Variants in IQCH observed in about 807,000 individuals in gnomAD.
IQCH encodes IQ motif containing H.
Under a neutral mutation model 117.0 loss-of-function variants are expected in IQCH, and 98 were observed. The ratio of observed to expected loss-of-function variants is 0.84; its 90% confidence interval spans 0.71 to 0.99. IQCH has a LOEUF of 0.99. Ranked by LOEUF, IQCH falls within the 50% of genes least tolerant of loss-of-function variation. The pLI is 0.00. For missense variants in IQCH, 1,102 were observed against 1,243.8 expected, an observed-to-expected ratio of 0.89 and a Z score of 1.72; for synonymous variants, 412 against 448.2, an observed-to-expected ratio of 0.92 and a Z score of 1.02.
intron 4 of IQCH, among the ~76,000 whole-genome samples, chr15:67,309,269 T>C (rs754600797): frequency 6.6e-6 from 1 of 152,134 alleles, no homozygotes; most frequent in Non-Finnish European, 1.5e-5. Context: ...TTTTATACTG[T>C]CATTTAAAAC....
chr15:67,371,606 TA>T, intron 8 of IQCH: 1 of 881,506 alleles, frequency 1.1e-6, no homozygotes. Flanking sequence ...AGAAGAACTA[TA>T]AAATGCTAAA....
chr15:67,358,171 T>TC (rs1969979433), intron 7 of IQCH, among the ~76,000 whole-genome samples: 1 of 87,932 alleles, frequency 1.1e-5, no homozygotes, highest in Non-Finnish European at 2.5e-5. Context: ...TTTTTTTTTT[T>TC]TTTTCTTTTT....
rs1021376351 is a variant in IQCH at position 67,422,048 on chromosome 15, G to A, written c.2505+471G>A. ...CGGGAGGCAGAGGTTGCAATGAGCC[G>A]AGATCATGCTACTACACTCCAGCCT... On this transcript the variant is annotated intron_variant, in intron 16 of 20. Coordinates refer to ENST00000335894, the MANE Select transcript of IQCH (RefSeq NM_001031715.3). The surrounding 1 kb of genome is among the most constrained non-coding windows in gnomAD (Gnocchi z 4.7). 2.6e-5 allele frequency among the ~76,000 whole-genome samples: 4 copies of A among 151,218 alleles called. No individual in the cohort carries two copies. Among genetic ancestry groups the A allele is most frequent in the Non-Finnish European group, 5.9e-5 (4 of 67,900 alleles).
In IQCH at chr15:67,318,387, C is replaced by G. The variant is rs1018964596; in HGVS notation, c.388-18588C>G. On this transcript the variant is annotated intron_variant, in intron 4 of 20. Coordinates refer to ENST00000335894, the MANE Select transcript of IQCH (RefSeq NM_001031715.3). ...ACTCCAAAACTTTAATGAACAACAT[C>G]AGAGAACACTTGAATAAATGGAAAG... Among the ~76,000 whole-genome samples the G allele has an allele frequency of 6.1e-4, 93 of 152,270 alleles. 1 individual carries two copies. The highest frequency in any genetic ancestry group is 2.2e-3 in the African/African-American group (91 of 41,556).
chr15:67,472,349 G>A lies in IQCH; in HGVS notation c.2677-3347G>A, dbSNP rs146776385. ...GGGTGCACTGAGCAAGTTTGGGGAG[G>A]TCTACCCACCACACCAGGGTCTAGA... is the stretch of plus-strand genomic sequence containing the variant. On this transcript the variant is annotated intron_variant, in intron 17 of 20. Coordinates refer to ENST00000335894, the MANE Select transcript of IQCH (RefSeq NM_001031715.3). The surrounding 1 kb of genome is among the most constrained non-coding windows in gnomAD (Gnocchi z 4.3). Among the ~76,000 whole-genome samples the A allele has an allele frequency of 7.2e-3, 1,103 of 152,208 alleles. 10 individuals are homozygous for A. The highest frequency in any genetic ancestry group is 0.012 in the Non-Finnish European group (824 of 68,000).
chr15:67,394,852 A>C (rs1971406881), intron 12 of IQCH, among the ~76,000 whole-genome samples: 1 of 152,178 alleles, frequency 6.6e-6, no homozygotes, highest in African/African-American at 2.4e-5. Flanking sequence ...TTCCTACTCA[A>C]GCATTTAAAG....
chr15:67,266,301 G>A (rs983453658), intron 3 of IQCH, among the ~76,000 whole-genome samples: 1 of 152,036 alleles, frequency 6.6e-6, no homozygotes, highest in Non-Finnish European at 1.5e-5. Context: ...TAACTATAAT[G>A]TTCTGGTTGC....
intron 6 of IQCH, among the ~76,000 whole-genome samples, chr15:67,351,566 T>G (rs1969664866): frequency 6.6e-6 from 1 of 152,236 alleles, no homozygotes; most frequent in African/African-American, 2.4e-5. Flanking sequence ...ACATTCAACT[T>G]TAGAAAGTAA....
chr15:67,434,785 C>CTTTTTTTT (rs775675138), intron 16 of IQCH, among the ~76,000 whole-genome samples: 1 of 126,846 alleles, frequency 7.9e-6, no homozygotes, highest in African/African-American at 3.0e-5. Context: ...CTTTTCTTTT[C>CTTTTTTTT]TTTTTTTTTT....
chr15:67,431,735 A>G lies in IQCH; in HGVS notation c.2505+10158A>G, dbSNP rs1333654668. 6.6e-6 allele frequency among the ~76,000 whole-genome samples: 1 copy of G among 152,194 alleles called. No homozygotes were observed. The highest frequency in any genetic ancestry group is 1.5e-5 in the Non-Finnish European group (1 of 68,040). On this transcript the variant is annotated intron_variant, in intron 16 of 20. Transcript: ENST00000335894. This position sits in a 1 kb window ranked among gnomAD's most constrained non-coding sequence, Gnocchi z 4.8. ...GAATTTAGTTGAACATTTCCTACCA[A>G]TATCAATAGTTTTTTAGATTGTAGC...
intron 16 of IQCH, among the ~76,000 whole-genome samples, chr15:67,440,148 A>G (rs1489626726): frequency 6.6e-6 from 1 of 152,162 alleles, no homozygotes; most frequent in Non-Finnish European, 1.5e-5. Flanking sequence ...GGAAAAATAC[A>G]ACCCTCCTAG....
rs184496401 is a variant in IQCH at position 67,394,623 on chromosome 15, G to A, written c.1633-668G>A. 6.8e-4 allele frequency among the ~76,000 whole-genome samples: 103 copies of A among 152,296 alleles called. 1 individual carries two copies. The highest frequency in any genetic ancestry group is 2.3e-3 in the African/African-American group (97 of 41,570). On this transcript the variant is annotated intron_variant, in intron 12 of 20. Coordinates refer to ENST00000335894, the MANE Select transcript of IQCH (RefSeq NM_001031715.3). ...ATTTAATTGAATGAGACAGTCACAT[G>A]TATTGCTGAGCTGGGACTAACTAGT...
chr15:67,348,001 G>T (rs201720466), intron 6 of IQCH, among the ~76,000 whole-genome samples: 1 of 151,220 alleles, frequency 6.6e-6, no homozygotes, highest in East Asian at 1.9e-4. Context: ...ATCATTGTAA[G>T]TCACCATATG....
chr15:67,344,374 T>C (rs1166672898), intron 6 of IQCH, among the ~76,000 whole-genome samples, 183 bp downstream of exon 6: 1 of 152,236 alleles, frequency 6.6e-6, no homozygotes, highest in East Asian at 1.9e-4. Flanking sequence ...TTACAATATA[T>C]TTCCATTTCA....
Position 67,325,046 on chromosome 15 carries a change from C to T in IQCH, c.388-11929C>T, listed in dbSNP as rs554352169. 2.0e-5 allele frequency among the ~76,000 whole-genome samples: 3 copies of T among 152,206 alleles called. No individual in the cohort carries two copies. In the East Asian group the frequency reaches 5.8e-4, roughly 29 times the overall value. ...TCCTCTCCTTCTGGGGCTTCAATTA[C>T]ATGCAGATTATACCACATGACTTTG... On this transcript the variant is annotated intron_variant, in intron 4 of 20. Coordinates refer to ENST00000335894, the MANE Select transcript of IQCH (RefSeq NM_001031715.3).
rs35152038 is a variant in IQCH at position 67,381,979 on chromosome 15, C to CA, written c.1373-2944dup. On this transcript the variant is annotated intron_variant, in intron 10 of 20. Coordinates refer to ENST00000335894, the MANE Select transcript of IQCH (RefSeq NM_001031715.3). This position sits in a 1 kb window ranked among gnomAD's most constrained non-coding sequence, Gnocchi z 5.1. Reference sequence around the variant, plus strand: ...CCTGGGCAACAGAGTGATACCCTGTCAAAAAAAAAAAAAGAATTAAAAGAT... The same window carrying CA: ...CCTGGGCAACAGAGTGATACCCTGTCAAAAAAAAAAAAAAGAATTAAAAGAT... 0.21 allele frequency among the ~76,000 whole-genome samples: 30,524 copies of CA among 142,376 alleles called. 3,794 individuals are homozygous for CA. The highest frequency in any genetic ancestry group is 0.47 in the East Asian group (2,328 of 4,974). 93.4% of individuals were successfully genotyped at this position (142,376 alleles called of 152,430 possible). A position where few individuals can be genotyped will look rare whatever the true frequency, so the allele number is the denominator to read the frequency against.
At chr15:67,334,079 A>G (rs982762460) in intron 4 of IQCH, among the ~76,000 whole-genome samples, 3 of 152,198 alleles carry the variant, frequency 2.0e-5, no homozygotes, top group South Asian at 2.1e-4. Flanking sequence ...TTAAGCTATT[A>G]TAGAAGATTT....
intron 1 of IQCH, among the ~76,000 whole-genome samples, chr15:67,256,267 C>T (rs1056506746): frequency 6.6e-6 from 1 of 152,188 alleles, no homozygotes; most frequent in Admixed American, 6.5e-5. Context: ...TCATTACCTG[C>T]ATTACTTCCT....
chr15:67,448,084 T>C (rs1437339458), intron 16 of IQCH, among the ~76,000 whole-genome samples: 1 of 152,044 alleles, frequency 6.6e-6, no homozygotes, highest in African/African-American at 2.4e-5. Context: ...CCACACTTAG[T>C]CATCATTCAC....
Sources: gnomAD v4.1 joint callset for allele counts (sites outside exome capture counted in the v4.1 genomes callset) on GRCh38, gnomAD v4.1.1 for gene constraint, Gnocchi (gnomAD v3.1) non-coding constraint, MANE v1.5 for transcripts, NCBI Gene and HGNC (gene_info 2026-07-23, HGNC 2026-07-21) for gene names.